The following ZNF362 variants were observed in gnomAD, a reference collection of about 807,000 sequenced individuals.
ZNF362 encodes the protein zinc finger protein 362, also known as rotund homolog.
In ZNF362, 11 loss-of-function variants were observed where a neutral mutation model predicts 42.9. That is an observed-to-expected ratio of 0.26 (90% confidence interval 0.16 to 0.42). ZNF362 has a LOEUF of 0.42. Among genes scored for constraint, ZNF362 ranks in the 20% least tolerant of loss-of-function variants. ZNF362 has a pLI of 1.00. For synonymous variants in ZNF362, 255 were observed against 257.3 expected, an observed-to-expected ratio of 0.99 and a Z score of 0.09; for missense variants, 362 against 576.2, an observed-to-expected ratio of 0.63 and a Z score of 3.81.
chr1:33,292,304 T>C (rs1646084299), intron 6 of ZNF362, among the ~76,000 whole-genome samples: 1 of 152,248 alleles, frequency 6.6e-6, no homozygotes, highest in African/African-American at 2.4e-5. Flanking sequence ...TCAAAGGCCT[T>C]TTCTGCATCT....
the ZNF362 span, among the ~76,000 whole-genome samples, chr1:33,177,137 G>A: frequency 8.4e-4 from 127 of 151,774 alleles, 1 homozygote; most frequent in African/African-American, 2.6e-3. This position sits in a 1 kb window ranked among gnomAD's most constrained non-coding sequence, Gnocchi z 4.1. Flanking sequence ...GCACACACAC[G>A]CACATGCACA....
the ZNF362 span, among the ~76,000 whole-genome samples, chr1:33,135,278 ACT>A: frequency 6.6e-6 from 1 of 151,976 alleles, no homozygotes; most frequent in African/African-American, 2.4e-5. Flanking sequence ...ACAGAGCAAG[ACT>A]CTCTCAAAAA....
chr1:33,299,003 G>C lies in ZNF362; in HGVS notation c.1220G>C (p.Arg407Thr). 1 of 1,612,818 alleles carries C rather than the reference G, an allele frequency of 6.2e-7. No individual in the cohort carries two copies. The highest frequency in any genetic ancestry group is 8.5e-7 in the Non-Finnish European group (1 of 1,180,024). ...EHLVSHHSPQ[R>T]TESPGIPVRI... ...CTGGTGAGCCATCACTCGCCCCAGA[G>C]GACGGAGTCCCCCGGCATCCCGGTG... Residue 407 changes from arginine to threonine, a missense_variant, in exon 9 of 9, where the codon AGG (arginine) becomes ACG (threonine). This residue lies in a region of ZNF362 where 68 missense variants were observed against 107.4 expected (regional missense o/e 0.63). Transcript: ENST00000539719.
At chr1:33,172,887 T>C in the ZNF362 span, among the ~76,000 whole-genome samples, 6 of 152,200 alleles carry the variant, frequency 3.9e-5, no homozygotes, top group African/African-American at 1.4e-4. Context: ...AGCATGACTT[T>C]CGCTCAGGGC....
intron 6 of ZNF362, among the ~76,000 whole-genome samples, chr1:33,289,431 C>T (rs1445541983): frequency 1.3e-5 from 2 of 151,982 alleles, no homozygotes; most frequent in Non-Finnish European, 2.9e-5. Flanking sequence ...TCAGCCGTGC[C>T]GAGGCCTGGC....
chr1:33,128,213 A>C, the ZNF362 span, among the ~76,000 whole-genome samples: 1 of 151,320 alleles, frequency 6.6e-6, no homozygotes, highest in East Asian at 1.9e-4. Context: ...CAAAAAAAAA[A>C]AAAAAAAAAA....
chr1:33,294,820 G>T lies in ZNF362; in HGVS notation c.909-117G>T. ...TGCCTGGGCTCACTCTTGGTCCTTG[G>T]GGAGCATGGGCAGGGTAGGGACCGA... On this transcript the variant is annotated intron_variant, in intron 6 of 8. Coordinates refer to ENST00000539719, the MANE Select transcript of ZNF362 (RefSeq NM_152493.3). The surrounding 1 kb of genome is among the most constrained non-coding windows in gnomAD (Gnocchi z 4.2). The T allele has an allele frequency of 9.1e-7, 1 of 1,103,744 alleles. No homozygotes were observed. Among genetic ancestry groups the T allele is most frequent in the Non-Finnish European group, 1.3e-6 (1 of 745,214 alleles). 68.4% of individuals were successfully genotyped at this position (1,103,744 alleles called of 1,614,324 possible).
the ZNF362 span, chr1:33,142,062 T>A: frequency 1.3e-5 from 2 of 152,308 alleles, no homozygotes; most frequent in Admixed American, 1.3e-4. Flanking sequence ...GAAATAACCG[T>A]GTCCTGATGG....
the ZNF362 span, among the ~76,000 whole-genome samples, chr1:33,209,890 AT>A: frequency 7.9e-5 from 12 of 151,106 alleles, no homozygotes; most frequent in Non-Finnish European, 1.5e-5. Context: ...GGATTCATTG[AT>A]TTTTTTTTGA....
the ZNF362 span, chr1:33,166,213 C>G: frequency 6.6e-6 from 1 of 152,354 alleles, no homozygotes. Context: ...AGGGCTCCCA[C>G]TGATCCTACA....
the ZNF362 span, chr1:33,147,223 T>C: frequency 2.5e-6 from 4 of 1,613,930 alleles, no homozygotes; most frequent in South Asian, 3.3e-5. The surrounding 1 kb of genome is among the most constrained non-coding windows in gnomAD (Gnocchi z 8.1). Context: ...GTTCTTGCCA[T>C]TGGCGTGGCT....
chr1:33,181,018 A>G, the ZNF362 span: 4 of 1,321,746 alleles, frequency 3.0e-6, no homozygotes, highest in Non-Finnish European at 4.0e-6. This position sits in a 1 kb window ranked among gnomAD's most constrained non-coding sequence, Gnocchi z 6.5. Flanking sequence ...CAGGCCGGGT[A>G]GCGCACCTGC....
chr1:33,205,743 G>A, the ZNF362 span, among the ~76,000 whole-genome samples: 2 of 152,012 alleles, frequency 1.3e-5, no homozygotes, highest in South Asian at 4.2e-4. Flanking sequence ...ATGAAACCCT[G>A]TCTCTACTAA....
the ZNF362 span, chr1:33,176,452 T>C: frequency 1.4e-6 from 1 of 696,576 alleles, no homozygotes; most frequent in Non-Finnish European, 2.6e-6. Context: ...TTCTCTGGCA[T>C]GAAGGAAGCC....
At chr1:33,290,318 G>GT (rs1646068369) in intron 6 of ZNF362, among the ~76,000 whole-genome samples, 1 of 151,700 alleles carries the variant, frequency 6.6e-6, no homozygotes, top group Non-Finnish European at 1.5e-5. Context: ...GCGGCGTTTG[G>GT]TTTTTTGTCC....
intron 1 of ZNF362, 139 bp from the exon 2 acceptor site, chr1:33,270,348 C>T (rs1024583768): frequency 5.1e-5 from 25 of 488,308 alleles, no homozygotes; most frequent in South Asian, 8.2e-5. Flanking sequence ...CTGTGCTGCA[C>T]GTGCATCTCA....
chr1:33,229,898 A>G, the ZNF362 span, among the ~76,000 whole-genome samples: 1 of 152,178 alleles, frequency 6.6e-6, no homozygotes, highest in Admixed American at 6.5e-5. Flanking sequence ...AACCAATATA[A>G]AAGTAATACA....
intron 2 of ZNF362, among the ~76,000 whole-genome samples, chr1:33,272,601 C>T (rs1352429132): frequency 1.3e-5 from 2 of 152,120 alleles, no homozygotes; most frequent in African/African-American, 4.8e-5. Flanking sequence ...TGCTTGAGGC[C>T]TGGCCACCAG....
At chr1:33,175,031 T>TTATGTATATGTATA in the ZNF362 span, among the ~76,000 whole-genome samples, 1 of 147,102 alleles carries the variant, frequency 6.8e-6, no homozygotes. Context: ...ATGTATATGT[T>TTATGTATATGTATA]TATGTATATG....
Sources: gnomAD v4.1 joint callset for allele counts (sites outside exome capture counted in the v4.1 genomes callset) on GRCh38, gnomAD v4.1.1 for gene constraint, gnomAD v4.1.1 regional missense constraint, Gnocchi (gnomAD v3.1) non-coding constraint, MANE v1.5 for transcripts, NCBI Gene and HGNC (gene_info 2026-07-23, HGNC 2026-07-21) for gene names.